The following MTMR11 variants were observed in gnomAD, a reference collection of about 807,000 sequenced individuals.
MTMR11 encodes the protein myotubularin-related protein 11.
A neutral mutation model predicts 100.0 loss-of-function variants in MTMR11; 89 were observed. The observed-to-expected ratio is 0.89, with a 90% CI of 0.75 to 1.06. The LOEUF (loss-of-function observed/expected upper bound fraction) is 1.06, where lower values mean the gene tolerates loss of function less well. Among genes scored for constraint, MTMR11 ranks in the 50% least tolerant of loss-of-function variants. MTMR11 has a pLI of 0.00. For synonymous variants in MTMR11, 336 were observed against 326.3 expected, an observed-to-expected ratio of 1.03 and a Z score of -0.32; for missense variants, 809 against 873.7, an observed-to-expected ratio of 0.93 and a Z score of 0.93.
At chr1:149,933,314 C>G in intron 10 of MTMR11, 92 bp downstream of exon 10, 1 of 1,495,796 alleles carries the variant, frequency 6.7e-7, no homozygotes, top group South Asian at 1.2e-5. Flanking sequence ...GACTAAAGAG[C>G]TACTCATCTA....
At chr1:149,931,895 G>A (rs2092665108) in intron 12 of MTMR11, 49 bp downstream of exon 12, 1 of 1,519,602 alleles carries the variant, frequency 6.6e-7, no homozygotes, top group South Asian at 1.1e-5. Context: ...TGGTCAGGTG[G>A]GTAAAGAAAA....
rs587691162 is a variant in MTMR11, at chr1:149,933,082, G to A, written c.985+324C>T. ...GTGCCTCAGCCTTCCAAGTAGCTGGGATTACAGGCATCGGCCACCACACCC... is the reference window on the plus strand; with the variant it reads ...GTGCCTCAGCCTTCCAAGTAGCTGGAATTACAGGCATCGGCCACCACACCC... On this transcript the variant is annotated intron_variant, in intron 10 of 16. Transcript: ENST00000439741. 5.3e-3 allele frequency among the ~76,000 whole-genome samples: 811 copies of A among 151,774 alleles called. 6 individuals carry two copies. The highest frequency in any genetic ancestry group is 9.0e-3 in the Non-Finnish European group (614 of 67,922).
chr1:149,935,283 C>CT lies in MTMR11; in HGVS notation c.325+15_325+16insA. The CT allele has an allele frequency of 5.4e-6, 7 of 1,298,308 alleles. No individual in the cohort carries two copies. The highest frequency in any genetic ancestry group is 7.3e-6 in the Non-Finnish European group (7 of 961,310). The allele number at this position is 1,298,308 out of a possible 1,614,324, so 80.4% of individuals were successfully genotyped here. On this transcript the variant is annotated intron_variant, in intron 4 of 16. Transcript: ENST00000439741. The stretch of plus-strand genomic sequence containing the variant: ...AACCCCAGTGAACCCCTTCACCAAA[C>CT]CCCCCCCCAACTTACCAGCCTCTAA...
rs375962438 is a variant in MTMR11 at position 149,931,435 on chromosome 1, TAAAG to T, written c.1124-13_1124-10del. Reference sequence around the variant, plus strand: ...ATCACGATCACCGCGCTCTGGGTGATAAAGAGGAAGAAGGGACAAAGAAGAGGGG... The same window carrying T: ...ATCACGATCACCGCGCTCTGGGTGATAGGAAGAAGGGACAAAGAAGAGGGG... On this transcript the variant is annotated splice_polypyrimidine_tract_variant and intron_variant, in intron 12 of 16. Transcript: ENST00000439741. The T allele has an allele frequency of 3.4e-4, 539 of 1,573,358 alleles. 4 individuals are homozygous for T. The South Asian group carries it at 6.0e-3, about 17-fold the overall frequency.
chr1:149,930,401 T>C lies in MTMR11; in HGVS notation c.1611A>G (p.Pro537=), dbSNP rs1553767243. ...ILQFQNPGYD[P]EHCPDSWLPR... is the part of the protein sequence containing the mutation. ...GGAGCCAGGAATCTGGACAGTGTTC[T>C]GGGTCATAGCCAGGATTCTGGAATT... Residue 537 remains proline, a synonymous_variant, in exon 15 of 17, where the codon CCA becomes CCG. Coordinates refer to ENST00000439741, the MANE Select transcript of MTMR11 (RefSeq NM_001145862.2). 6.2e-7 allele frequency: 1 copy of C among 1,614,006 alleles called. No individual in the cohort carries two copies. Among genetic ancestry groups the C allele is most frequent in the African/African-American group, 1.3e-5 (1 of 75,042 alleles).
In MTMR11 at chr1:149,929,313, C is replaced by T. The variant is rs782559052; in HGVS notation, c.1946G>A (p.Gly649Asp). 1.2e-6 allele frequency: 2 copies of T among 1,613,458 alleles called. No individual in the cohort carries two copies. The highest frequency in any genetic ancestry group is 1.1e-5 in the South Asian group (1 of 91,016). The part of the protein sequence containing the change: ...YLRGRPEVQM[G>D]LSAPTISGLQ... Reference sequence around the variant, plus strand: ...GCCAGAGATTGTGGGAGCTGAGAGGCCCATCTGGGGAGGAGGCAAAGAGGA... The same window carrying T: ...GCCAGAGATTGTGGGAGCTGAGAGGTCCATCTGGGGAGGAGGCAAAGAGGA... The change falls in exon 17 of 17, where the codon GGC becomes GAC. Residue 649 changes from glycine (G) to aspartate (D), a missense_variant. Gly to Asp is a moderately conservative substitution (Grantham distance 94). Transcript: ENST00000439741.
intron 5 of MTMR11, 105 bp from the exon 6 acceptor site, chr1:149,934,631 G>T (rs1247220995): frequency 3.3e-6 from 4 of 1,222,716 alleles, no homozygotes; most frequent in Non-Finnish European, 4.7e-6. Flanking sequence ...GAATGAAGAA[G>T]AACAGTGAAG....
Position 149,934,330 on chromosome 1 carries a change from G to C in MTMR11, c.548-4C>G. 1.2e-6 allele frequency: 2 copies of C among 1,614,214 alleles called. No individual in the cohort carries two copies. Among genetic ancestry groups the C allele is most frequent in the Non-Finnish European group, 1.7e-6 (2 of 1,180,042 alleles). On this transcript the variant is annotated splice_polypyrimidine_tract_variant and splice_region_variant and intron_variant, in intron 6 of 16. Transcript: ENST00000439741. ...TTTCTGGAGCCAGAACCCTGGCCTA[G>C]AACAGGAGTGAGACATAGAGGAGGA...
intron 13 of MTMR11, 147 bp from the exon 14 acceptor site, chr1:149,931,112 G>C (rs1203162722): frequency 1.5e-6 from 2 of 1,348,328 alleles, no homozygotes; most frequent in Non-Finnish European, 2.0e-6. Flanking sequence ...GCAGGGGCTT[G>C]TAAGGCCTCA....
At chr1:149,934,636 G>C in intron 5 of MTMR11, 110 bp from the exon 6 acceptor site, 2 of 1,178,398 alleles carry the variant, frequency 1.7e-6, no homozygotes, top group Non-Finnish European at 2.4e-6. Flanking sequence ...AAGAAGAACA[G>C]TGAAGACAGT....
rs782324365 is a variant in MTMR11, at chr1:149,933,842, CCAT to C, written c.771+10_771+12del. The C allele has an allele frequency of 2.8e-5, 45 of 1,613,306 alleles. No homozygotes were observed. Among genetic ancestry groups the C allele is most frequent in the Non-Finnish European group, 3.7e-5 (44 of 1,179,338 alleles). On this transcript the variant is annotated intron_variant, in intron 8 of 16. Coordinates refer to ENST00000439741, the MANE Select transcript of MTMR11 (RefSeq NM_001145862.2). ...CTCTAATCCACAGCCATTACCCTAA[CCAT>C]CACACTGACCGGTCCACGGCCCTGA...
rs1405441226 is a variant in MTMR11 at position 149,930,554 on chromosome 1, A to T, written c.1465-7T>A. The T allele has an allele frequency of 6.2e-7, 1 of 1,601,874 alleles. No homozygotes were observed. Among genetic ancestry groups the T allele is most frequent in the African/African-American group, 1.3e-5 (1 of 74,454 alleles). On this transcript the variant is annotated splice_region_variant and splice_polypyrimidine_tract_variant and intron_variant, in intron 14 of 16. Transcript: ENST00000439741. Reference sequence around the variant, plus strand: ...CTTGTGTATAGGAGTTTAACTGGACAGAGGAAGCAAGAAAAAGGATGGTTA... The same window carrying T: ...CTTGTGTATAGGAGTTTAACTGGACTGAGGAAGCAAGAAAAAGGATGGTTA...
rs376813134 is a variant in MTMR11, at chr1:149,934,278, G to A, written c.596C>T (p.Ala199Val). The stretch of plus-strand genomic sequence containing the variant: ...CTTCCGCTCAGTCTCCCAGTCTTCC[G>A]CTGTCTCCATGAGAGGAATTGGTGG... Reference protein sequence around the residue: ...RKPPIPLMETAEDWETERKKQ... With the variant: ...RKPPIPLMETVEDWETERKKQ... Residue 199 changes from alanine (A) to valine (V), a missense_variant, in exon 7 of 17, where the codon GCG becomes GTG. Ala to Val is a moderately conservative substitution (Grantham distance 64). Transcript: ENST00000439741. 65 of 1,614,042 alleles carry A rather than the reference G, an allele frequency of 4.0e-5. No homozygotes were observed. Among genetic ancestry groups the A allele is most frequent in the Non-Finnish European group, 5.1e-5 (60 of 1,180,024 alleles).
intron 8 of MTMR11, 71 bp downstream of exon 8, chr1:149,933,784 C>T: frequency 1.2e-6 from 2 of 1,605,980 alleles, no homozygotes; most frequent in Non-Finnish European, 1.7e-6. Flanking sequence ...CACAGAGGTT[C>T]CTCCCTCCAC....
In MTMR11 at chr1:149,933,410, C is replaced by T; in HGVS notation, c.981G>A (p.Leu327=). The T allele has an allele frequency of 1.2e-6, 2 of 1,614,126 alleles. No individual in the cohort carries two copies. The highest frequency in any genetic ancestry group is 8.5e-7 in the Non-Finnish European group (1 of 1,180,012). The part of the protein sequence containing the change: ...LAHLRLRALC[L]PDSSVAEDKW... ...GGGGTCAAAGGTTATTCTCACCAGG[C>T]AGGCAGAGGGCCCTCAGCCTCAGGT... The change falls in exon 10 of 17, where the codon CTG becomes CTA. Residue 327 remains leucine, a synonymous_variant. Coordinates refer to ENST00000439741, the MANE Select transcript of MTMR11 (RefSeq NM_001145862.2).
rs375925095 is a variant in MTMR11 at position 149,929,697 on chromosome 1, G to A, written c.1867C>T (p.Leu623=). 9 of 1,614,030 alleles carry A rather than the reference G, an allele frequency of 5.6e-6. No individual in the cohort carries two copies. The African/African-American group carries it at 1.2e-4, about 22-fold the overall frequency. Reference sequence around the variant, plus strand: ...TGGGGTCCCAGATACCCAGGCAGCAGCAGCCCTGGAGGTAAAGGGCAAGCT... The same window carrying A: ...TGGGGTCCCAGATACCCAGGCAGCAACAGCCCTGGAGGTAAAGGGCAAGCT... ...WGACPLPPGL[L]LPGYLGPQIR... Residue 623 remains leucine (L), a synonymous_variant, in exon 16 of 17, where the codon CTG becomes TTG. Coordinates refer to ENST00000439741, the MANE Select transcript of MTMR11 (RefSeq NM_001145862.2).
Position 149,929,175 on chromosome 1 carries a change from T to C in MTMR11, c.2084A>G (p.Glu695Gly). The change falls in exon 17 of 17, where the codon GAA becomes GGA. Residue 695 changes from glutamate (E) to glycine (G), a missense_variant. By Grantham distance (98) the Glu-to-Gly change is moderately conservative (BLOSUM62 -2). Transcript: ENST00000439741. ...CCTGCCTTTGAGAATGCCAGCAATT[T>C]CAGTGGGATTGAGAATGGTATGTGG... ...RDPHTILNPT[E>G]IAGILKGRAE... is the part of the protein sequence containing the mutation. 6.2e-7 allele frequency: 1 copy of C among 1,614,050 alleles called. No homozygotes were observed. Among genetic ancestry groups the C allele is most frequent in the Non-Finnish European group, 8.5e-7 (1 of 1,179,988 alleles).
chr1:149,929,268 T>G lies in MTMR11; in HGVS notation c.1991A>C (p.His664Pro), dbSNP rs1553766815. The change falls in exon 17 of 17, where the codon CAT (histidine) becomes CCT (proline). Residue 664 changes from histidine to proline, a missense_variant. Transcript: ENST00000439741. ...CCATTTCCGTAATAACTCCTGAAGA[T>G]GGGATAGCTCATCCTGGAGGCCAGA... ...TISGLQDELS[H>P]LQELLRKWTP... 6.2e-7 allele frequency: 1 copy of G among 1,614,106 alleles called. No individual in the cohort carries two copies. Among genetic ancestry groups the G allele is most frequent in the Non-Finnish European group, 8.5e-7 (1 of 1,180,012 alleles).
At chr1:149,930,573 A>T in intron 14 of MTMR11, 26 bp from the exon 15 acceptor site, 1 of 1,580,914 alleles carries the variant, frequency 6.3e-7, no homozygotes, top group Non-Finnish European at 8.7e-7. Flanking sequence ...AAGAAAAAGG[A>T]TGGTTACACA....
Sources: gnomAD v4.1 joint callset for allele counts (sites outside exome capture counted in the v4.1 genomes callset) on GRCh38, gnomAD v4.1.1 for gene constraint, MANE v1.5 for transcripts, NCBI Gene and HGNC (gene_info 2026-07-23, HGNC 2026-07-21) for gene names.